ESCO1: variants seen among roughly 807,000 people sequenced by gnomAD.
ESCO1 encodes establishment of sister chromatid cohesion N-acetyltransferase 1, also known as N-acetyltransferase ESCO1.
In ESCO1, 33 loss-of-function variants were observed where a neutral mutation model predicts 83.5. That is an observed-to-expected ratio of 0.40 (90% CI 0.30 to 0.53). The LOEUF (loss-of-function observed/expected upper bound fraction) is 0.53, where lower values mean the gene tolerates loss of function less well. Ranked by LOEUF, ESCO1 falls within the 20% of genes least tolerant of loss-of-function variation. The pLI, the probability that ESCO1 is intolerant of heterozygous loss-of-function variation, is 0.63. For missense variants in ESCO1, 855 were observed against 968.0 expected (o/e 0.88, Z 1.55); for synonymous variants, 332 against 324.3 (o/e 1.02, Z -0.25).
At chr18:21,564,378 G>T in intron 6 of ESCO1, 61 bp from the exon 7 acceptor site, 1 of 1,127,126 alleles carries the variant, frequency 8.9e-7, no homozygotes. Context: ...CATTTGAAGG[G>T]GAAAAAATAA....
chr18:21,582,502 A>G (rs963530161), intron 2 of ESCO1, among the ~76,000 whole-genome samples: 1 of 152,174 alleles, frequency 6.6e-6, no homozygotes, highest in Non-Finnish European at 1.5e-5. Flanking sequence ...AAGTGCTGAC[A>G]TTACAGGCAT....
In ESCO1 at chr18:21,561,832, TGCTAG is replaced by T. The variant is rs2038190180; in HGVS notation, c.1822-847_1822-843del. ...ATCCTCCTGCCTCGGCCTCCTAAAG[TGCTAG>T]GATTACAGGTGTGAGCCACTGCACC... On this transcript the variant is annotated intron_variant, in intron 7 of 11. Coordinates refer to ENST00000269214, the MANE Select transcript of ESCO1 (RefSeq NM_052911.3). 2.0e-5 allele frequency among the ~76,000 whole-genome samples: 3 copies of T among 151,892 alleles called. No homozygotes were observed. In the South Asian group the frequency reaches 6.2e-4, roughly 32 times the overall value.
At chr18:21,590,670 G>A (rs954228403) in intron 1 of ESCO1, among the ~76,000 whole-genome samples, 7 of 151,238 alleles carry the variant, frequency 4.6e-5, no homozygotes, top group Non-Finnish European at 8.8e-5. Flanking sequence ...TTCACTCTCG[G>A]CCAGGCAAGA....
chr18:21,585,729 A>T (rs1420772591), intron 1 of ESCO1, among the ~76,000 whole-genome samples: 1 of 152,010 alleles, frequency 6.6e-6, no homozygotes, highest in African/African-American at 2.4e-5. Flanking sequence ...AGTAGCTGAG[A>T]CCACAGGTAC....
chr18:21,546,648 G>T (rs926106487), intron 8 of ESCO1, among the ~76,000 whole-genome samples: 2 of 152,146 alleles, frequency 1.3e-5, no homozygotes, highest in Admixed American at 1.3e-4. Flanking sequence ...CTAGGCTCAA[G>T]CAACTCTCCC....
At chr18:21,589,873 G>C (rs1027733003) in intron 1 of ESCO1, among the ~76,000 whole-genome samples, 2 of 151,948 alleles carry the variant, frequency 1.3e-5, no homozygotes, top group African/African-American at 4.8e-5. Flanking sequence ...TGTCACCCAG[G>C]CTGGAGTGCA....
chr18:21,597,475 C>T (rs1028935843), intron 1 of ESCO1, among the ~76,000 whole-genome samples: 1 of 147,820 alleles, frequency 6.8e-6, no homozygotes. Flanking sequence ...GCCTGGGCAA[C>T]ACAGTGAGCC....
At chr18:21,587,286 TAA>T (rs564416823) in intron 1 of ESCO1, among the ~76,000 whole-genome samples, 211 of 152,330 alleles carry the variant, frequency 1.4e-3, no homozygotes, top group Non-Finnish European at 2.1e-3. Flanking sequence ...TAAAATGAAC[TAA>T]GAGATCCCTC....
At chr18:21,557,431 T>C (rs935854027) in intron 8 of ESCO1, among the ~76,000 whole-genome samples, 6 of 152,254 alleles carry the variant, frequency 3.9e-5, no homozygotes, top group African/African-American at 1.4e-4. Flanking sequence ...AACTCTTTCC[T>C]GTCTATGAAA....
chr18:21,531,992 G>A (rs1342016225), intron 11 of ESCO1, among the ~76,000 whole-genome samples: 1 of 151,054 alleles, frequency 6.6e-6, no homozygotes, highest in Non-Finnish European at 1.5e-5. Context: ...GTACTTTATA[G>A]GACAAAAAAC....
chr18:21,592,195 C>T (rs1156359422), intron 1 of ESCO1, among the ~76,000 whole-genome samples: 1 of 149,548 alleles, frequency 6.7e-6, no homozygotes, highest in Non-Finnish European at 1.5e-5. Flanking sequence ...GCACACCTCC[C>T]AGACGGGGTG....
intron 1 of ESCO1, among the ~76,000 whole-genome samples, chr18:21,586,969 GA>G (rs1358178707): frequency 6.6e-6 from 1 of 152,100 alleles, no homozygotes; most frequent in African/African-American, 2.4e-5. Flanking sequence ...CATTTTGTCA[GA>G]TTTTTTTTCT....
chr18:21,600,044 C>A (rs1371444602), intron 1 of ESCO1, among the ~76,000 whole-genome samples: 2 of 152,220 alleles, frequency 1.3e-5, no homozygotes, highest in Non-Finnish European at 2.9e-5. Context: ...GACCTTGGGC[C>A]CGCTCCCCTC....
intron 1 of ESCO1, among the ~76,000 whole-genome samples, chr18:21,589,634 CA>C (rs2038633941): frequency 6.6e-6 from 1 of 152,106 alleles, no homozygotes; most frequent in South Asian, 2.1e-4. Flanking sequence ...AACACTGGTG[CA>C]AATTCAGAAA....
At position 21,564,245 on chromosome 18, in the gene ESCO1, T is replaced by C. The variant is rs911809268; in HGVS notation, c.1779A>G (p.Lys593=). Residue 593 remains lysine (K), a synonymous_variant, in exon 7 of 12, where the codon AAA becomes AAG. Transcript: ENST00000269214. ...HLEITIPKDL[K]LKEAEKTDEK... ...CATCAGTTTTCTCTGCTTCTTTTAG[T>C]TTCAAGTCCTTTGGAATTGTTATCT... The C allele has an allele frequency of 1.2e-6, 2 of 1,611,302 alleles. No homozygotes were observed. The highest frequency in any genetic ancestry group is 1.7e-6 in the Non-Finnish European group (2 of 1,178,582).
chr18:21,546,672 G>A (rs527990973), intron 8 of ESCO1, among the ~76,000 whole-genome samples: 2 of 152,020 alleles, frequency 1.3e-5, no homozygotes, highest in Non-Finnish European at 2.9e-5. Flanking sequence ...TCAGCCTCCC[G>A]AGTAGATGGG....
chr18:21,562,873 T>C (rs2038207367), intron 7 of ESCO1, among the ~76,000 whole-genome samples: 1 of 151,444 alleles, frequency 6.6e-6, no homozygotes, highest in South Asian at 2.1e-4. Context: ...TCCATGTTAT[T>C]ATTTTTTTTT....
chr18:21,542,534 C>T (rs549542761), intron 8 of ESCO1, among the ~76,000 whole-genome samples: 1 of 152,174 alleles, frequency 6.6e-6, no homozygotes, highest in African/African-American at 2.4e-5. Context: ...TGGGTAGGTA[C>T]GAGGGTGCTG....
chr18:21,586,605 CGTT>C (rs1446841739), intron 1 of ESCO1, among the ~76,000 whole-genome samples: 1 of 152,078 alleles, frequency 6.6e-6, no homozygotes, highest in Admixed American at 6.5e-5. Flanking sequence ...TGTCCTGTAA[CGTT>C]GTTAAATTTA....
Sources: gnomAD v4.1 joint callset for allele counts (sites outside exome capture counted in the v4.1 genomes callset) on GRCh38, gnomAD v4.1.1 for gene constraint, MANE v1.5 for transcripts, NCBI Gene and HGNC (gene_info 2026-07-23, HGNC 2026-07-21) for gene names.